Variants in PFKFB2 observed in about 807,000 individuals in gnomAD.
PFKFB2 encodes 6-phosphofructo-2-kinase/fructose-2,6-biphosphatase 2, also known as 6-phosphofructo-2-kinase/fructose-2,6-bisphosphatase 2.
A neutral mutation model predicts 68.0 loss-of-function variants in PFKFB2; 53 were observed. That is an observed-to-expected ratio of 0.78 (90% CI 0.63 to 0.98). The LOEUF (loss-of-function observed/expected upper bound fraction) is 0.98, where lower values mean the gene tolerates loss of function less well. Among genes scored for constraint, PFKFB2 ranks in the 50% least tolerant of loss-of-function variants. PFKFB2 has a pLI of 0.00. For synonymous variants in PFKFB2, 222 were observed against 227.6 expected (o/e 0.98, Z 0.22); for missense variants, 451 against 642.0 (o/e 0.70, Z 3.22).
intron 2 of PFKFB2, among the ~76,000 whole-genome samples, chr1:207,061,416 C>T (rs1011435228): frequency 1.3e-5 from 2 of 151,622 alleles, no homozygotes; most frequent in East Asian, 1.9e-4. Flanking sequence ...GTGGGAAAGA[C>T]GTATCTTGGT....
chr1:207,072,427 G>C lies in PFKFB2; in HGVS notation c.*56G>C, dbSNP rs1683493802. On this transcript the variant is annotated 3_prime_UTR_variant, in exon 15 of 15. Transcript: ENST00000367080. ...TAACTGTGTGTTTCCCTCCAGCCCT[G>C]GCCTCCTGCCCTTGTCACTAATCAC... is the stretch of plus-strand genomic sequence containing the variant. 2.5e-6 allele frequency: 4 copies of C among 1,577,990 alleles called. No homozygotes were observed. Among genetic ancestry groups the C allele is most frequent in the Non-Finnish European group, 3.4e-6 (4 of 1,162,494 alleles).
Position 207,075,712 on chromosome 1 carries a change from C to G in PFKFB2, c.*3341C>G. On this transcript the variant is annotated 3_prime_UTR_variant, in exon 15 of 15. Coordinates refer to ENST00000367080, the MANE Select transcript of PFKFB2 (RefSeq NM_006212.2). ...GCTGAGGCAGGAGAATCACTTGAGA[C>G]CAGCCTGGGCAATATAGTGAGACCT... 1.0e-6 allele frequency: 1 copy of G among 966,512 alleles called. No homozygotes were observed. Among genetic ancestry groups the G allele is most frequent in the Non-Finnish European group, 1.2e-6 (1 of 812,664 alleles). 59.9% of individuals were successfully genotyped at this position (966,512 alleles called of 1,614,324 possible).
At chr1:207,048,992 T>C, upstream of PFKFB2, 2 of 1,590,192 alleles carry the variant, frequency 1.3e-6, no homozygotes, top group Non-Finnish European at 8.6e-7. Context: ...TGTGAGGTAG[T>C]AGGCTTCAAC....
upstream of PFKFB2, chr1:207,049,288 A>G: frequency 6.2e-7 from 1 of 1,614,188 alleles, no homozygotes; most frequent in Non-Finnish European, 8.5e-7. Flanking sequence ...ATAAATAAGC[A>G]GAACCCTTTT....
chr1:207,037,178 G>A (rs1682392207), intron 1 of PFKFB2, among the ~76,000 whole-genome samples: 1 of 152,144 alleles, frequency 6.6e-6, no homozygotes, highest in African/African-American at 2.4e-5. Flanking sequence ...CCTATAGACT[G>A]TTTGAATTCT....
Position 207,063,942 on chromosome 1 carries a change from G to C in PFKFB2, c.507+113G>C. On this transcript the variant is annotated intron_variant, in intron 7 of 14. Transcript: ENST00000367080. The surrounding 1 kb of genome is among the most constrained non-coding windows in gnomAD (Gnocchi z 4.1). The stretch of plus-strand genomic sequence containing the variant: ...TGTTGGGGAGGGGTGTTTTCGTAAT[G>C]AAAGAGAGAAATAGACATGTTTAAC... 1 of 770,216 alleles carries C rather than the reference G, an allele frequency of 1.3e-6. No individual in the cohort carries two copies. Among genetic ancestry groups the C allele is most frequent in the East Asian group, 2.4e-5 (1 of 41,164 alleles). 47.7% of individuals were successfully genotyped at this position (770,216 alleles called of 1,614,324 possible). A position where few individuals can be genotyped will look rare whatever the true frequency, so the allele number is the denominator to read the frequency against.
chr1:207,075,262 C>T lies in PFKFB2; in HGVS notation c.*2891C>T, dbSNP rs186328207. On this transcript the variant is annotated 3_prime_UTR_variant, in exon 15 of 15. Transcript: ENST00000367080. ...TTCCCCACTCTCACCTGTGCTAGTT[C>T]GCTTTCTCCAGAAGAGGAGCTGAGG... 7.9e-5 allele frequency: 78 copies of T among 985,426 alleles called. No homozygotes were observed. The highest frequency in any genetic ancestry group is 3.7e-4 in the Admixed American group (6 of 16,284). The allele number at this position is 985,426 out of a possible 1,614,324, so 61.0% of individuals were successfully genotyped here. A position where few individuals can be genotyped will look rare whatever the true frequency, so the allele number is the denominator to read the frequency against.
intron 4 of PFKFB2, 103 bp downstream of exon 4, chr1:207,062,819 G>A (rs918439118): frequency 8.6e-7 from 1 of 1,157,954 alleles, no homozygotes; most frequent in African/African-American, 1.5e-5. Context: ...ATCTTAAGGG[G>A]AAGTTAAATG....
At chr1:207,038,400 C>T (rs2102313942) in intron 1 of PFKFB2, among the ~76,000 whole-genome samples, 1 of 152,292 alleles carries the variant, frequency 6.6e-6, no homozygotes, top group Middle Eastern at 3.4e-3. Flanking sequence ...CTTATAGATG[C>T]TGCAAATCTG....
upstream of PFKFB2, chr1:207,049,386 A>T: frequency 6.2e-7 from 1 of 1,614,172 alleles, no homozygotes; most frequent in Non-Finnish European, 8.5e-7. Flanking sequence ...ACTTGGACAA[A>T]ATCGATATCT....
At chr1:207,045,164 C>T (rs1682568450) in intron 2 of PFKFB2, 1 of 152,518 alleles carries the variant, frequency 6.6e-6, no homozygotes, top group Admixed American at 6.5e-5. Context: ...AATCAGCTTC[C>T]TTATAAGTCT....
At chr1:207,062,750 G>T in intron 4 of PFKFB2, 34 bp downstream of exon 4, 1 of 1,595,952 alleles carries the variant, frequency 6.3e-7, no homozygotes, top group Non-Finnish European at 8.6e-7. Flanking sequence ...CTCCAGGTCA[G>T]CTCTTTCTTG....
At chr1:207,057,302 CAAAAAAAAAAAAAAAAA>C (rs748726221) in intron 2 of PFKFB2, among the ~76,000 whole-genome samples, 6 of 40,388 alleles carry the variant, frequency 1.5e-4, no homozygotes, top group African/African-American at 5.4e-4. Flanking sequence ...AAAAAAACTA[CAAAAAAAAAAAAAAAAA>C]AAAAAAAAAC....
downstream of PFKFB2, chr1:207,078,847 G>A (rs146798316): frequency 5.5e-3 from 4,727 of 857,152 alleles, 42 homozygotes; most frequent in Non-Finnish European, 6.9e-3. Context: ...GTGGGGATGG[G>A]GAGGTTGAGG....
At position 207,074,101 on chromosome 1, in the gene PFKFB2, T is replaced by C; in HGVS notation, c.*1730T>C. Reference sequence around the variant, plus strand: ...ATACTGACTCAGAATCTCTGGGATCTGGGTCTGGACATGCATGTATTTAAG... The same window carrying C: ...ATACTGACTCAGAATCTCTGGGATCCGGGTCTGGACATGCATGTATTTAAG... On this transcript the variant is annotated 3_prime_UTR_variant, in exon 15 of 15. Transcript: ENST00000367080. The C allele has an allele frequency of 1.1e-6, 1 of 907,512 alleles. No individual in the cohort carries two copies. The highest frequency in any genetic ancestry group is 1.3e-6 in the Non-Finnish European group (1 of 760,378). 56.2% of individuals were successfully genotyped at this position (907,512 alleles called of 1,614,324 possible).
intron 2 of PFKFB2, among the ~76,000 whole-genome samples, chr1:207,057,081 G>C (rs1032234406): frequency 6.6e-6 from 1 of 152,174 alleles, no homozygotes; most frequent in East Asian, 1.9e-4. Flanking sequence ...CTGCTCCAGG[G>C]ATGGGGCGAA....
chr1:207,064,754 A>C (rs917437448), intron 7 of PFKFB2, among the ~76,000 whole-genome samples: 4 of 152,186 alleles, frequency 2.6e-5, no homozygotes, highest in Non-Finnish European at 5.9e-5. Flanking sequence ...AGGAAAGTAC[A>C]TAAAGGGATT....
Position 207,074,429 on chromosome 1 carries a change from C to G in PFKFB2, c.*2058C>G. 1.0e-6 allele frequency: 1 copy of G among 985,380 alleles called. No individual in the cohort carries two copies. The highest frequency in any genetic ancestry group is 1.2e-6 in the Non-Finnish European group (1 of 829,920). 61.0% of individuals were successfully genotyped at this position (985,380 alleles called of 1,614,324 possible). On this transcript the variant is annotated 3_prime_UTR_variant, in exon 15 of 15. Coordinates refer to ENST00000367080, the MANE Select transcript of PFKFB2 (RefSeq NM_006212.2). Reference sequence around the variant, plus strand: ...ACAAATCACTGAATTAAATAATTGTCTCTAGAGAGCAGCTGGGGATTTTAA... The same window carrying G: ...ACAAATCACTGAATTAAATAATTGTGTCTAGAGAGCAGCTGGGGATTTTAA...
At position 207,068,175 on chromosome 1, in the gene PFKFB2, C is replaced by G; in HGVS notation, c.853C>G (p.Leu285Val). The change falls in exon 10 of 15, where the codon CTA (leucine) becomes GTA (valine). Residue 285 changes from leucine to valine, a missense_variant. By Grantham distance (32) the Leu-to-Val change is conservative. Transcript: ENST00000367080. The part of the protein sequence containing the change: ...SVRGKQFAQA[L>V]RKFLEEQEIT... The stretch of plus-strand genomic sequence containing the variant: ...TTTTAAACCCCAGTTTGCCCAAGCT[C>G]TAAGGAAATTTCTGGAGGAACAGGA... 3 of 1,608,844 alleles carry G rather than the reference C, an allele frequency of 1.9e-6. No homozygotes were observed. Among genetic ancestry groups the G allele is most frequent in the Non-Finnish European group, 2.5e-6 (3 of 1,178,550 alleles).
Sources: allele counts gnomAD v4.1 joint callset (sites outside exome capture counted in the v4.1 genomes callset), GRCh38; gene constraint gnomAD v4.1.1; non-coding constraint Gnocchi (gnomAD v3.1); transcripts MANE v1.5; gene names NCBI Gene and HGNC (gene_info 2026-07-23, HGNC 2026-07-21).